NELL1: variants seen among roughly 807,000 people sequenced by gnomAD.
NELL1 encodes the protein protein kinase C-binding protein NELL1.
NELL1 carries 76 observed loss-of-function variants against 107.4 expected under a neutral mutation model. The ratio of observed to expected loss-of-function variants is 0.71; its 90% CI spans 0.59 to 0.86. The LOEUF is 0.86. Among genes scored for constraint, NELL1 ranks in the 40% least tolerant of loss-of-function variants. The pLI, the probability that NELL1 is intolerant of heterozygous loss-of-function variation, is 0.00. For synonymous variants in NELL1, 353 were observed against 341.2 expected, an observed-to-expected ratio of 1.03 and a Z score of -0.38; for missense variants, 1,024 against 1,005.5, an observed-to-expected ratio of 1.02 and a Z score of -0.25.
intron 15 of NELL1, among the ~76,000 whole-genome samples, chr11:21,462,275 T>G (rs183371611): frequency 6.6e-6 from 1 of 152,228 alleles, no homozygotes; most frequent in Non-Finnish European, 1.5e-5. Context: ...CATTTGAAAT[T>G]TTAAAATTCT....
intron 15 of NELL1, among the ~76,000 whole-genome samples, chr11:21,505,771 G>A (rs767318937): frequency 6.6e-6 from 1 of 152,088 alleles, no homozygotes; most frequent in Non-Finnish European, 1.5e-5. Flanking sequence ...CATCCCCTCT[G>A]CTATAACACT....
At chr11:20,942,576 G>A (rs1338010692) in intron 10 of NELL1, among the ~76,000 whole-genome samples, 1 of 151,906 alleles carries the variant, frequency 6.6e-6, no homozygotes, top group African/African-American at 2.4e-5. Flanking sequence ...AAAACACATG[G>A]AGAACTTAGT....
chr11:20,914,973 CCTAA>C (rs1400446963), intron 5 of NELL1, among the ~76,000 whole-genome samples: 1 of 151,992 alleles, frequency 6.6e-6, no homozygotes, highest in African/African-American at 2.4e-5. Context: ...CTTCACAGAT[CCTAA>C]CTGTGCTCAA....
intron 13 of NELL1, among the ~76,000 whole-genome samples, chr11:21,122,173 G>A (rs1196708112): frequency 6.6e-6 from 1 of 152,182 alleles, no homozygotes; most frequent in African/African-American, 2.4e-5. Context: ...TAGGGTGTTT[G>A]TGAACAAACC....
At chr11:21,132,185 G>T (rs1325730067) in intron 13 of NELL1, among the ~76,000 whole-genome samples, 1 of 101,156 alleles carries the variant, frequency 9.9e-6, no homozygotes, top group Non-Finnish European at 2.2e-5. Flanking sequence ...CCTGTATTTT[G>T]TGTGTGTGTG....
intron 2 of NELL1, among the ~76,000 whole-genome samples, chr11:20,767,566 A>G (rs1211059129): frequency 1.3e-5 from 2 of 152,222 alleles, no homozygotes; most frequent in African/African-American, 4.8e-5. Context: ...TCCTTTAGCT[A>G]GACAGAAAAG....
intron 13 of NELL1, among the ~76,000 whole-genome samples, chr11:21,196,863 C>A (rs1297749138): frequency 1.3e-5 from 2 of 149,386 alleles, no homozygotes; most frequent in Non-Finnish European, 3.0e-5. Context: ...TTATTTAATT[C>A]TTTTTCTTTC....
At chr11:21,007,780 A>G (rs1852361419) in intron 12 of NELL1, among the ~76,000 whole-genome samples, 1 of 152,098 alleles carries the variant, frequency 6.6e-6, no homozygotes, top group Non-Finnish European at 1.5e-5. Flanking sequence ...AATCGGATTT[A>G]GATGCCCACT....
At chr11:20,843,437 G>A (rs1028920401) in intron 3 of NELL1, among the ~76,000 whole-genome samples, 5 of 150,292 alleles carry the variant, frequency 3.3e-5, no homozygotes, top group African/African-American at 1.2e-4. Flanking sequence ...ACCTTTACTT[G>A]TGATTTAGTG....
At chr11:21,057,820 T>C (rs947642245) in intron 12 of NELL1, among the ~76,000 whole-genome samples, 3 of 152,096 alleles carry the variant, frequency 2.0e-5, no homozygotes, top group African/African-American at 7.2e-5. Context: ...TTTTTAACTT[T>C]TCTATAATGA....
chr11:21,530,054 C>T (rs1443371555), intron 15 of NELL1, among the ~76,000 whole-genome samples: 1 of 152,130 alleles, frequency 6.6e-6, no homozygotes, highest in Non-Finnish European at 1.5e-5. Context: ...CTCTCTATGT[C>T]TGCATCAGAG....
chr11:20,761,973 G>C (rs548671206), intron 2 of NELL1, among the ~76,000 whole-genome samples: 1 of 152,182 alleles, frequency 6.6e-6, no homozygotes, highest in Non-Finnish European at 1.5e-5. Context: ...GAAACTTCTC[G>C]GGAGAGAACC....
At chr11:21,174,648 G>A (rs914504974) in intron 13 of NELL1, among the ~76,000 whole-genome samples, 1 of 151,600 alleles carries the variant, frequency 6.6e-6, no homozygotes, top group African/African-American at 2.4e-5. Context: ...GGAAGGAGGA[G>A]GAAGAAGTGA....
intron 5 of NELL1, among the ~76,000 whole-genome samples, chr11:20,912,482 G>GA (rs981930020): frequency 1.3e-5 from 2 of 152,048 alleles, no homozygotes; most frequent in Admixed American, 1.3e-4. Context: ...TTCAGAGGGT[G>GA]AAAAATAAAA....
At chr11:20,720,819 C>G in intron 2 of NELL1, among the ~76,000 whole-genome samples, 1 of 152,062 alleles carries the variant, frequency 6.6e-6, no homozygotes, top group East Asian at 1.9e-4. Context: ...CTCACCCTAC[C>G]AACCTCATTT....
At chr11:21,419,149 G>A (rs73457331) in intron 15 of NELL1, among the ~76,000 whole-genome samples, 3,378 of 152,074 alleles carry the variant, frequency 0.022, 128 homozygotes, top group African/African-American at 0.076. Flanking sequence ...TGTAATGCAC[G>A]ACCTTTGACC....
chr11:21,176,748 CATCA>C (rs1856721449), intron 13 of NELL1, among the ~76,000 whole-genome samples: 1 of 151,662 alleles, frequency 6.6e-6, no homozygotes, highest in Admixed American at 6.6e-5. Context: ...TCTATGTTGT[CATCA>C]ATCAAAGTTT....
chr11:21,201,389 G>C (rs1857266344), intron 13 of NELL1, among the ~76,000 whole-genome samples: 1 of 152,072 alleles, frequency 6.6e-6, no homozygotes, highest in African/African-American at 2.4e-5. Context: ...TCTCTTTCTA[G>C]CAATTGTGAA....
intron 15 of NELL1, among the ~76,000 whole-genome samples, chr11:21,403,579 T>A (rs1454335082): frequency 6.9e-6 from 1 of 145,382 alleles, no homozygotes; most frequent in Non-Finnish European, 1.5e-5. Context: ...GTTCTTCTAG[T>A]GAATATAAAA....
Sources: allele counts gnomAD v4.1 joint callset (sites outside exome capture counted in the v4.1 genomes callset), GRCh38; gene constraint gnomAD v4.1.1; transcripts MANE v1.5; gene names NCBI Gene and HGNC (gene_info 2026-07-23, HGNC 2026-07-21).